The following SLC7A2 variants were observed in gnomAD, a reference collection of about 807,000 sequenced individuals.
SLC7A2 encodes the protein solute carrier family 7 member 2.
SLC7A2 carries 48 observed loss-of-function variants against 58.9 expected under a neutral mutation model. That is an observed-to-expected ratio of 0.82 (90% CI 0.65 to 1.04). SLC7A2 has a LOEUF of 1.04. Among genes scored for constraint, SLC7A2 ranks in the 50% least tolerant of loss-of-function variants. The pLI is 0.00. For missense variants in SLC7A2, 1,029 were observed against 818.8 expected (o/e 1.26, Z -3.13); for synonymous variants, 363 against 314.5 (o/e 1.15, Z -1.63).
Position 17,550,395 on chromosome 8 carries a change from T to A in SLC7A2, c.793T>A (p.Phe265Ile). The A allele has an allele frequency of 6.2e-7, 1 of 1,613,984 alleles. No individual in the cohort carries two copies. The highest frequency in any genetic ancestry group is 8.5e-7 in the Non-Finnish European group (1 of 1,179,936). The change falls in exon 6 of 13, where the codon TTT becomes ATT. Residue 265 changes from phenylalanine to isoleucine, a missense_variant. Transcript: ENST00000494857. ...TGTLAGAATC[F>I]YAFVGFDCIA... ...AACGTTGGCTGGTGCTGCAACTTGC[T>A]TTTATGCCTTTGTGGGATTTGACTG...
At chr8:17,561,708 G>A (rs141117694) in intron 10 of SLC7A2, among the ~76,000 whole-genome samples, 114 of 152,314 alleles carry the variant, frequency 7.5e-4, no homozygotes, top group Middle Eastern at 6.8e-3. Flanking sequence ...ACTAGGAGGG[G>A]CGGTTGGTTC....
At chr8:17,562,162 ATAAT>A (rs1803035332) in intron 11 of SLC7A2, 52 bp downstream of exon 11, 1 of 933,970 alleles carries the variant, frequency 1.1e-6, no homozygotes. Flanking sequence ...TTTTCTCTGT[ATAAT>A]TAGTTTGGTA....
At chr8:17,524,858 G>T (rs1032635312) in intron 2 of SLC7A2, among the ~76,000 whole-genome samples, 1 of 151,856 alleles carries the variant, frequency 6.6e-6, no homozygotes. Flanking sequence ...GTGCAATCAG[G>T]AGCAAGTTCT....
chr8:17,565,233 T>C lies in SLC7A2; in HGVS notation c.*87T>C. ...AACGGGATGTCATCAGCATGCTGGG[T>C]TGTCATGGGTTTGCTGCATACATAG... On this transcript the variant is annotated 3_prime_UTR_variant, in exon 13 of 13. Coordinates refer to ENST00000494857, the MANE Select transcript of SLC7A2 (RefSeq NM_001370338.1). 1 of 1,053,482 alleles carries C rather than the reference T, an allele frequency of 9.5e-7. No homozygotes were observed. Among genetic ancestry groups the C allele is most frequent in the Non-Finnish European group, 1.4e-6 (1 of 726,196 alleles). 65.3% of individuals were successfully genotyped at this position (1,053,482 alleles called of 1,614,324 possible). A position where few individuals can be genotyped will look rare whatever the true frequency, so the allele number is the denominator to read the frequency against.
intron 11 of SLC7A2, 68 bp downstream of exon 11, chr8:17,562,178 GTATTTTTTTT>G (rs1803038095): frequency 1.5e-5 from 7 of 478,220 alleles, no homozygotes; most frequent in Non-Finnish European, 1.5e-5. Context: ...AGTTTGGTAA[GTATTTTTTTT>G]TTTTTTTTTT....
chr8:17,544,646 A>T, intron 4 of SLC7A2, 40 bp downstream of exon 4: 3 of 1,579,444 alleles, frequency 1.9e-6, no homozygotes, highest in Non-Finnish European at 2.6e-6. Context: ...AATGAGCCAC[A>T]CTATTTGTCT....
chr8:17,512,208 G>C (rs868283394), intron 2 of SLC7A2, among the ~76,000 whole-genome samples: 12 of 151,972 alleles, frequency 7.9e-5, no homozygotes, highest in African/African-American at 2.7e-4. Flanking sequence ...AAAAGATATG[G>C]CTTTTTTTCA....
chr8:17,532,242 A>C lies in SLC7A2; in HGVS notation c.-22-11076A>C, dbSNP rs1009565441. On this transcript the variant is annotated intron_variant, in intron 2 of 12. Coordinates refer to ENST00000494857, the MANE Select transcript of SLC7A2 (RefSeq NM_001370338.1). ...AAGACTCTATCTCAAAAAAAAAAAAAAAAAAAAAAAAAAAAAACCCCAGCA... is the reference window on the plus strand; with the variant it reads ...AAGACTCTATCTCAAAAAAAAAAAACAAAAAAAAAAAAAAAAACCCCAGCA... Among the ~76,000 whole-genome samples the C allele has an allele frequency of 1.6e-3, 174 of 111,578 alleles. 7 individuals carry two copies. The highest frequency in any genetic ancestry group is 0.015 in the East Asian group (54 of 3,550). 73.2% of individuals were successfully genotyped at this position (111,578 alleles called of 152,430 possible).
chr8:17,560,373 G>A lies in SLC7A2; in HGVS notation c.1344G>A (p.Glu448=). 6.2e-7 allele frequency: 1 copy of A among 1,614,152 alleles called. No homozygotes were observed. Among genetic ancestry groups the A allele is most frequent in the Non-Finnish European group, 8.5e-7 (1 of 1,180,006 alleles). The part of the protein sequence containing the change: ...LSYDQPKCSP[E]KDGLGSSPRV... ...ACGACCAGCCCAAATGTTCTCCTGAGAAAGATGGTCTGGGATCGTCTCCCA... is the reference window on the plus strand; with the variant it reads ...ACGACCAGCCCAAATGTTCTCCTGAAAAAGATGGTCTGGGATCGTCTCCCA... Residue 448 remains glutamate (E), a synonymous_variant, in exon 10 of 13, where the codon GAG becomes GAA. Coordinates refer to ENST00000494857, the MANE Select transcript of SLC7A2 (RefSeq NM_001370338.1).
At chr8:17,540,950 AT>A (rs1801886836) in intron 2 of SLC7A2, among the ~76,000 whole-genome samples, 2 of 152,318 alleles carry the variant, frequency 1.3e-5, no homozygotes, top group African/African-American at 4.8e-5. Context: ...GTCAAGGTTA[AT>A]TAAGTACTCC....
chr8:17,499,584 T>C (rs1344731759), intron 1 of SLC7A2, among the ~76,000 whole-genome samples: 1 of 150,644 alleles, frequency 6.6e-6, no homozygotes, highest in African/African-American at 2.5e-5. Context: ...TCTTATAGAC[T>C]ACCTACTAGA....
intron 10 of SLC7A2, among the ~76,000 whole-genome samples, 175 bp downstream of exon 10, chr8:17,560,708 A>T (rs112781128): frequency 6.6e-6 from 1 of 152,194 alleles, no homozygotes; most frequent in Non-Finnish European, 1.5e-5. Flanking sequence ...TATTACCTGT[A>T]TAAATTTATT....
chr8:17,554,655 C>T lies in SLC7A2; in HGVS notation c.1151C>T (p.Thr384Met), dbSNP rs1134970. 9.9e-6 allele frequency: 16 copies of T among 1,613,178 alleles called. No homozygotes were observed. The highest frequency in any genetic ancestry group is 2.7e-5 in the African/African-American group (2 of 74,888). Residue 384 changes from threonine to methionine, a missense_variant, in exon 8 of 13, where the codon ACG becomes ATG. By Grantham distance (81) the Thr-to-Met change is moderately conservative. Coordinates refer to ENST00000494857, the MANE Select transcript of SLC7A2 (RefSeq NM_001370338.1). ...FKCLAQINSK[T>M]KTPIIATLSS... ...TGTCTAGCTCAAATCAATTCCAAAA[C>T]GAAGACACCAATAATTGCTACTTTA... is the stretch of plus-strand genomic sequence containing the variant.
At chr8:17,544,411 G>GC (rs1802065774) in intron 3 of SLC7A2, 40 bp from the exon 4 acceptor site, 1 of 1,584,878 alleles carries the variant, frequency 6.3e-7, no homozygotes, top group South Asian at 1.1e-5. Flanking sequence ...ACTTTAATTT[G>GC]CCCCCAGTGA....
At chr8:17,499,863 C>G (rs1450517730) in intron 1 of SLC7A2, 1 of 152,120 alleles carries the variant, frequency 6.6e-6, no homozygotes, top group Non-Finnish European at 1.5e-5. Flanking sequence ...TGGAATTGTT[C>G]TTGTCATTGT....
intron 3 of SLC7A2, among the ~76,000 whole-genome samples, 158 bp downstream of exon 3, chr8:17,543,873 C>G (rs75593100): frequency 0.056 from 8,475 of 151,790 alleles, 482 homozygotes; most frequent in African/African-American, 0.14. Context: ...TTACAAAATT[C>G]TGTGGGTTTT....
intron 2 of SLC7A2, among the ~76,000 whole-genome samples, chr8:17,525,454 T>G (rs1801185504): frequency 6.6e-6 from 1 of 152,204 alleles, no homozygotes; most frequent in South Asian, 2.1e-4. Flanking sequence ...CATTTTCTTT[T>G]TATTTCTCAA....
chr8:17,556,608 A>G (rs17124843), intron 8 of SLC7A2, among the ~76,000 whole-genome samples: 4,860 of 144,456 alleles, frequency 0.034, 248 homozygotes, highest in African/African-American at 0.12. Flanking sequence ...TATATGAGCA[A>G]TGAAGAATTT....
chr8:17,526,101 C>G (rs1158573680), intron 2 of SLC7A2, among the ~76,000 whole-genome samples: 1 of 152,018 alleles, frequency 6.6e-6, no homozygotes, highest in Non-Finnish European at 1.5e-5. Context: ...AAAGGTGATG[C>G]TTTTTGGCAA....
Sources: gnomAD v4.1 joint callset for allele counts (sites outside exome capture counted in the v4.1 genomes callset) on GRCh38, gnomAD v4.1.1 for gene constraint, MANE v1.5 for transcripts, NCBI Gene and HGNC (gene_info 2026-07-23, HGNC 2026-07-21) for gene names.